UNC5D: variants seen among roughly 807,000 people sequenced by gnomAD.
The protein encoded by UNC5D is netrin receptor UNC5D.
A neutral mutation model predicts 105.4 loss-of-function variants in UNC5D; 39 were observed. The ratio of observed to expected loss-of-function variants is 0.37; its 90% CI spans 0.29 to 0.48. The LOEUF is 0.48. Ranked by LOEUF, UNC5D falls within the 20% of genes least tolerant of loss-of-function variation. UNC5D has a pLI of 0.98. For synonymous variants in UNC5D, 452 were observed against 450.4 expected (o/e 1.00, Z -0.04); for missense variants, 991 against 1,202.4 (o/e 0.82, Z 2.60).
intron 1 of UNC5D, among the ~76,000 whole-genome samples, chr8:35,511,365 G>A (rs1307459664): frequency 6.6e-6 from 1 of 151,502 alleles, no homozygotes; most frequent in Non-Finnish European, 1.5e-5. Context: ...CTGGTGCAGT[G>A]GTGTGTTTCT....
At chr8:35,580,216 T>C (rs1818387035) in intron 3 of UNC5D, among the ~76,000 whole-genome samples, 1 of 152,172 alleles carries the variant, frequency 6.6e-6, no homozygotes, top group African/African-American at 2.4e-5. Flanking sequence ...GAATATTCAA[T>C]GGACTGCTTT....
At chr8:35,524,430 C>T (rs56052862) in intron 1 of UNC5D, among the ~76,000 whole-genome samples, 1 of 150,118 alleles carries the variant, frequency 6.7e-6, no homozygotes, top group Non-Finnish European at 1.5e-5. Context: ...GAATCTCTTG[C>T]ACCAAGTCAA....
intron 4 of UNC5D, among the ~76,000 whole-genome samples, chr8:35,664,907 T>A (rs969347199): frequency 2.6e-5 from 4 of 152,144 alleles, no homozygotes; most frequent in African/African-American, 9.7e-5. Flanking sequence ...TGCAGTGGTT[T>A]GATCATAACT....
intron 1 of UNC5D, among the ~76,000 whole-genome samples, chr8:35,466,080 G>A (rs960038230): frequency 2.0e-5 from 3 of 152,140 alleles, no homozygotes; most frequent in Non-Finnish European, 2.9e-5. Context: ...ATAAGATGAC[G>A]AATTTGTGTT....
chr8:35,341,828 A>T lies in UNC5D; in HGVS notation c.103+105941A>T, dbSNP rs571938049. Reference sequence around the variant, plus strand: ...TAGTTAATTCTGTTTCATAAGACACACTAAGGAAAAAGATGTTGTATAGGT... The same window carrying T: ...TAGTTAATTCTGTTTCATAAGACACTCTAAGGAAAAAGATGTTGTATAGGT... On this transcript the variant is annotated intron_variant, in intron 1 of 16. Coordinates refer to ENST00000404895, the MANE Select transcript of UNC5D (RefSeq NM_080872.4). 3.9e-5 allele frequency among the ~76,000 whole-genome samples: 6 copies of T among 152,270 alleles called. No homozygotes were observed. In the East Asian group the frequency reaches 1.2e-3, roughly 29 times the overall value.
In UNC5D at chr8:35,457,639, G is replaced by A. The variant is rs531799453; in HGVS notation, c.104-91653G>A. 2.6e-5 allele frequency among the ~76,000 whole-genome samples: 4 copies of A among 152,254 alleles called. No individual in the cohort carries two copies. The East Asian group carries it at 5.8e-4, about 22-fold the overall frequency. ...ATGGAGAATGGTTCTAATTGGGTGA[G>A]TTGGGGAAGTATTTGAATTGTGCCC... On this transcript the variant is annotated intron_variant, in intron 1 of 16. Transcript: ENST00000404895.
chr8:35,708,311 T>C (rs1827726169), intron 8 of UNC5D, among the ~76,000 whole-genome samples: 1 of 152,214 alleles, frequency 6.6e-6, no homozygotes, highest in Non-Finnish European at 1.5e-5. Context: ...GGAAAATATG[T>C]GCACTGCATA....
intron 1 of UNC5D, among the ~76,000 whole-genome samples, chr8:35,367,878 T>A (rs1802213716): frequency 6.6e-6 from 1 of 152,144 alleles, no homozygotes. Context: ...ACATAAATCA[T>A]TTACAAGGCC....
chr8:35,763,934 G>A (rs1801657034), intron 14 of UNC5D, among the ~76,000 whole-genome samples: 1 of 152,138 alleles, frequency 6.6e-6, no homozygotes, highest in African/African-American at 2.4e-5. Flanking sequence ...TAGGTGGCCT[G>A]GTCACATCAT....
chr8:35,651,338 T>C (rs1823389224), intron 4 of UNC5D, among the ~76,000 whole-genome samples: 1 of 151,916 alleles, frequency 6.6e-6, no homozygotes, highest in Non-Finnish European at 1.5e-5. Context: ...AGAGTCAACA[T>C]AAAAGATAAA....
At chr8:35,663,818 T>A (rs1563644433) in intron 4 of UNC5D, among the ~76,000 whole-genome samples, 1 of 152,232 alleles carries the variant, frequency 6.6e-6, no homozygotes, top group Non-Finnish European at 1.5e-5. Flanking sequence ...TTTATTTTGA[T>A]GTTCCCTACT....
At chr8:35,482,236 G>A (rs1432186214) in intron 1 of UNC5D, among the ~76,000 whole-genome samples, 1 of 152,058 alleles carries the variant, frequency 6.6e-6, no homozygotes, top group African/African-American at 2.4e-5. Context: ...CTTATGGATG[G>A]ATTTGTCCTT....
intron 4 of UNC5D, among the ~76,000 whole-genome samples, chr8:35,626,159 A>G (rs1446954271): frequency 1.4e-5 from 2 of 146,198 alleles, no homozygotes; most frequent in African/African-American, 5.4e-5. Context: ...TCTGCAAAAT[A>G]CCACATGGAT....
At chr8:35,586,793 G>T (rs1202172707) in intron 3 of UNC5D, among the ~76,000 whole-genome samples, 1 of 152,038 alleles carries the variant, frequency 6.6e-6, no homozygotes, top group African/African-American at 2.4e-5. Context: ...TGGCTGATTT[G>T]GTTTGAATGA....
At chr8:35,744,217 T>C (rs1829897623) in intron 11 of UNC5D, among the ~76,000 whole-genome samples, 1 of 152,224 alleles carries the variant, frequency 6.6e-6, no homozygotes, top group Admixed American at 6.5e-5. Context: ...CGCTAGGTTC[T>C]CTTCTCTGTG....
At chr8:35,558,512 G>A (rs2579895) in intron 2 of UNC5D, among the ~76,000 whole-genome samples, 35,644 of 151,920 alleles carry the variant, frequency 0.23, 4,630 homozygotes, top group African/African-American at 0.35. Flanking sequence ...TATAGTTTTC[G>A]ATGCTCTGAT....
At chr8:35,605,481 C>T (rs1007809334) in intron 4 of UNC5D, among the ~76,000 whole-genome samples, 2 of 152,206 alleles carry the variant, frequency 1.3e-5, no homozygotes, top group South Asian at 2.1e-4. Flanking sequence ...AGTTAGGCTA[C>T]TTGGCGGTCA....
chr8:35,497,725 T>A (rs77435241), intron 1 of UNC5D, among the ~76,000 whole-genome samples: 2,947 of 150,964 alleles, frequency 0.02, 62 homozygotes, highest in Non-Finnish European at 0.025. Flanking sequence ...TTTTAATGGT[T>A]GTATAAAGGA....
At chr8:35,413,292 T>TGTGTGTTGTGTG (rs56157732) in intron 1 of UNC5D, among the ~76,000 whole-genome samples, 14 of 128,044 alleles carry the variant, frequency 1.1e-4, no homozygotes, top group East Asian at 5.0e-4. Context: ...TGTGTGTGTG[T>TGTGTGTTGTGTG]TGTGTGTGTG....
Sources: gnomAD v4.1 joint callset for allele counts (sites outside exome capture counted in the v4.1 genomes callset) on GRCh38, gnomAD v4.1.1 for gene constraint, MANE v1.5 for transcripts, NCBI Gene and HGNC (gene_info 2026-07-23, HGNC 2026-07-21) for gene names.